Variants in ZNF638 observed in about 807,000 individuals in gnomAD.
ZNF638 encodes the protein CTCL tumor antigen se33-1.
A neutral mutation model predicts 195.6 loss-of-function variants in ZNF638; 46 were observed. The observed-to-expected ratio is 0.24, with a 90% confidence interval of 0.19 to 0.30. The LOEUF is 0.30. Among genes scored for constraint, ZNF638 ranks in the 10% least tolerant of loss-of-function variants. The probability of loss-of-function intolerance (pLI) is 1.00; values close to 1 mark genes in which losing one functional copy is unlikely to be tolerated. For missense variants in ZNF638, 2,440 were observed against 2,325.3 expected, an observed-to-expected ratio of 1.05 and a Z score of -1.01; for synonymous variants, 845 against 772.0, an observed-to-expected ratio of 1.09 and a Z score of -1.57.
At position 71,423,848 on chromosome 2, in the gene ZNF638, C is replaced by T; in HGVS notation, c.4334C>T (p.Ala1445Val). 1 of 1,614,072 alleles carries T rather than the reference C, an allele frequency of 6.2e-7. No individual in the cohort carries two copies. Among genetic ancestry groups the T allele is most frequent in the Non-Finnish European group, 8.5e-7 (1 of 1,179,988 alleles). ...TTTGGTCTGCTTAAACCCACAAGTG[C>T]CAGGTCAGGCTTGGCAGAAAGCAGC... Reference protein sequence around the residue: ...KEFGLLKPTSARSGLAESSSK... With the variant: ...KEFGLLKPTSVRSGLAESSSK... Residue 1445 changes from alanine to valine, a missense_variant, in exon 22 of 28, where the codon GCC (alanine) becomes GTC (valine). Physicochemically the swap from Ala to Val is moderately conservative, Grantham distance 64. Coordinates refer to ENST00000264447, the MANE Select transcript of ZNF638 (RefSeq NM_014497.5).
Position 71,349,994 on chromosome 2 carries a change from A to C in ZNF638, c.1040A>C (p.Gln347Pro). 1 of 1,614,244 alleles carries C rather than the reference A, an allele frequency of 6.2e-7. No individual in the cohort carries two copies. Among genetic ancestry groups the C allele is most frequent in the Non-Finnish European group, 8.5e-7 (1 of 1,180,048 alleles). The change falls in exon 2 of 28, where the codon CAG becomes CCG. Residue 347 changes from glutamine (Q) to proline (P), a missense_variant. Physicochemically the swap from Gln to Pro is moderately conservative, Grantham distance 76. This residue lies in a region of ZNF638 where 305 missense variants were observed against 283.6 expected (regional missense o/e 1.08). Coordinates refer to ENST00000264447, the MANE Select transcript of ZNF638 (RefSeq NM_014497.5). ...TCGGAATTAATTTCATCTGTAAGCC[A>C]GCAAGAGCGGATCCCACATGAACCT... ...FSSELISSVS[Q>P]QERIPHEPVI...
chr2:71,434,713 T>C lies in ZNF638; in HGVS notation c.5872-29T>C, dbSNP rs756727249. Reference sequence around the variant, plus strand: ...ACATAGCAAAATAACGTCTAATAAGTATTTTATATTGCAAATTGCTTTTAA... The same window carrying C: ...ACATAGCAAAATAACGTCTAATAAGCATTTTATATTGCAAATTGCTTTTAA... On this transcript the variant is annotated intron_variant, in intron 27 of 27. Coordinates refer to ENST00000264447, the MANE Select transcript of ZNF638 (RefSeq NM_014497.5). 2.5e-6 allele frequency: 4 copies of C among 1,580,700 alleles called. No individual in the cohort carries two copies. In the East Asian group the frequency reaches 6.7e-5, roughly 27 times the overall value.
intron 18 of ZNF638, among the ~76,000 whole-genome samples, chr2:71,405,869 G>A (rs1424749313): frequency 8.0e-6 from 1 of 124,454 alleles, no homozygotes; most frequent in Non-Finnish European, 2.0e-5. Flanking sequence ...TGGTCTAATA[G>A]GTCAATATCT....
chr2:71,397,144 T>TA (rs1261782366), intron 11 of ZNF638, among the ~76,000 whole-genome samples: 1 of 152,182 alleles, frequency 6.6e-6, no homozygotes, highest in Non-Finnish European at 1.5e-5. Flanking sequence ...ACTTTGATGT[T>TA]ACTTTGATAC....
chr2:71,396,328 A>C (rs1275366713), intron 11 of ZNF638, 137 bp downstream of exon 11: 1 of 676,196 alleles, frequency 1.5e-6, no homozygotes, highest in African/African-American at 1.8e-5. Context: ...ATTTATAATC[A>C]TCTAGCAATT....
chr2:71,429,960 A>G (rs1043263259), intron 25 of ZNF638, among the ~76,000 whole-genome samples: 4 of 152,192 alleles, frequency 2.6e-5, no homozygotes, highest in Non-Finnish European at 5.9e-5. Flanking sequence ...AGGTTCTCGC[A>G]TGATTTCATG....
intron 8 of ZNF638, chr2:71,376,183 A>G (rs1413907198): frequency 6.6e-6 from 1 of 152,226 alleles, no homozygotes; most frequent in Non-Finnish European, 1.5e-5. Flanking sequence ...TAAAGAAAAT[A>G]CGAGCACTAG....
chr2:71,356,663 A>G (rs1267266595), intron 3 of ZNF638, among the ~76,000 whole-genome samples: 1 of 151,996 alleles, frequency 6.6e-6, no homozygotes, highest in Non-Finnish European at 1.5e-5. Context: ...GGTAGTACAC[A>G]TCTGTAGTTA....
chr2:71,398,178 GTT>G (rs1300401270), intron 11 of ZNF638, among the ~76,000 whole-genome samples: 1 of 151,936 alleles, frequency 6.6e-6, no homozygotes, highest in African/African-American at 2.4e-5. Context: ...GAGCAGAAGT[GTT>G]TTAGATTTTG....
intron 10 of ZNF638, among the ~76,000 whole-genome samples, chr2:71,388,028 A>G (rs1036864526): frequency 4.0e-5 from 6 of 151,528 alleles, no homozygotes; most frequent in South Asian, 2.1e-4. Flanking sequence ...ATAATTAAAG[A>G]AAAAAAAATC....
intron 1 of ZNF638, among the ~76,000 whole-genome samples, chr2:71,342,393 C>G (rs1282604899): frequency 6.6e-6 from 1 of 151,982 alleles, no homozygotes; most frequent in Non-Finnish European, 1.5e-5. Flanking sequence ...ACCACCGCCC[C>G]TTGCCCCACT....
intron 15 of ZNF638, among the ~76,000 whole-genome samples, chr2:71,401,049 C>A (rs1212465595): frequency 1.3e-5 from 2 of 152,062 alleles, no homozygotes; most frequent in Non-Finnish European, 2.9e-5. Flanking sequence ...TTAGATCCTT[C>A]AGGTGTTGAG....
rs1231226436 is a variant in ZNF638 at position 71,353,684 on chromosome 2, T to G, written c.1318-2035T>G. ...CATCATCTTCAGGTGATAGTTGCTG[T>G]AAGAATGATATCCTGTATTACTGTA... On this transcript the variant is annotated intron_variant, in intron 2 of 27. Transcript: ENST00000264447. 2.6e-5 allele frequency among the ~76,000 whole-genome samples: 4 copies of G among 152,206 alleles called. No homozygotes were observed. In the East Asian group the frequency reaches 7.7e-4, roughly 29 times the overall value.
intron 27 of ZNF638, among the ~76,000 whole-genome samples, chr2:71,433,856 C>A (rs533480501): frequency 6.6e-6 from 1 of 152,258 alleles, no homozygotes; most frequent in East Asian, 1.9e-4. Context: ...TATTTAATCT[C>A]CTCATGAACT....
chr2:71,350,778 T>A (rs532393726), intron 2 of ZNF638, among the ~76,000 whole-genome samples: 2 of 152,216 alleles, frequency 1.3e-5, no homozygotes, highest in African/African-American at 4.8e-5. Flanking sequence ...TTTTTAGTAT[T>A]TTTTGAGAAG....
At chr2:71,419,037 T>C (rs1231411985) in intron 21 of ZNF638, among the ~76,000 whole-genome samples, 1 of 152,236 alleles carries the variant, frequency 6.6e-6, no homozygotes, top group African/African-American at 2.4e-5. Context: ...TTAATTTCAT[T>C]GTGTGTTTTG....
intron 21 of ZNF638, among the ~76,000 whole-genome samples, chr2:71,421,193 AT>A (rs925006272): frequency 3.3e-5 from 5 of 152,162 alleles, no homozygotes; most frequent in African/African-American, 7.2e-5. Flanking sequence ...GAGTCTTGTA[AT>A]TTAAAGACAA....
chr2:71,424,654 T>G lies in ZNF638; in HGVS notation c.4529T>G (p.Leu1510Trp). ...ATTTCTTATTTACTATTTCAGACTT[T>G]GGCTGAGCAAAACACTAAGAATCCT... ...MKRDDSNNKTLAEQNTKNPKS... is the reference protein window; with the variant it reads ...MKRDDSNNKTWAEQNTKNPKS... Residue 1510 changes from leucine to tryptophan, a missense_variant, in exon 23 of 28, where the codon TTG becomes TGG. By Grantham distance (61) the Leu-to-Trp change is moderately conservative. This residue lies in a region of ZNF638 where 1,883 missense variants were observed against 1,739.1 expected (regional missense o/e 1.08). Coordinates refer to ENST00000264447, the MANE Select transcript of ZNF638 (RefSeq NM_014497.5). 3.7e-6 allele frequency: 6 copies of G among 1,612,178 alleles called. No individual in the cohort carries two copies. Among genetic ancestry groups the G allele is most frequent in the Non-Finnish European group, 5.1e-6 (6 of 1,179,036 alleles).
At chr2:71,336,390 AAAAAAAAAAAC>A (rs1437991208) in intron 1 of ZNF638, among the ~76,000 whole-genome samples, 4 of 82,516 alleles carry the variant, frequency 4.8e-5, no homozygotes, top group Non-Finnish European at 1.1e-4. Flanking sequence ...AAAAAAAAAA[AAAAAAAAAAAC>A]CAAAAAAACA....
Sources: allele counts gnomAD v4.1 joint callset (sites outside exome capture counted in the v4.1 genomes callset), GRCh38; gene constraint gnomAD v4.1.1; regional missense constraint gnomAD v4.1.1; transcripts MANE v1.5; gene names NCBI Gene and HGNC (gene_info 2026-07-23, HGNC 2026-07-21).